The following LEPROTL1 variants were observed in gnomAD, a reference collection of about 807,000 sequenced individuals.
The protein encoded by LEPROTL1 is leptin receptor overlapping transcript-like 1.
In LEPROTL1, 6 loss-of-function variants were observed where a neutral mutation model predicts 15.4. The observed-to-expected ratio is 0.39, with a 90% CI of 0.21 to 0.77. LEPROTL1 has a LOEUF of 0.77. Ranked by LOEUF, LEPROTL1 falls within the 30% of genes least tolerant of loss-of-function variation. The pLI, the probability that LEPROTL1 is intolerant of heterozygous loss-of-function variation, is 0.41. For missense variants in LEPROTL1, 128 were observed against 158.1 expected (o/e 0.81, Z 1.02); for synonymous variants, 56 against 52.6 (o/e 1.06, Z -0.28).
chr8:30,122,082 G>T (rs956035151), intron 3 of LEPROTL1, among the ~76,000 whole-genome samples: 10 of 151,312 alleles, frequency 6.6e-5, no homozygotes, highest in Non-Finnish European at 1.2e-4. Context: ...CAGGAGAATC[G>T]CTTGAACCCG....
intron 3 of LEPROTL1, among the ~76,000 whole-genome samples, chr8:30,118,431 C>G (rs6468124): frequency 0.86 from 131,650 of 152,212 alleles, 57,968 homozygotes; most frequent in South Asian, 0.98. Context: ...CCACAGACTG[C>G]GTAGTTTAAA....
intron 1 of LEPROTL1, among the ~76,000 whole-genome samples, chr8:30,100,488 C>T (rs766455943): frequency 7.9e-5 from 12 of 152,050 alleles, no homozygotes; most frequent in African/African-American, 2.4e-4. Context: ...CTTGCTCTGT[C>T]GCACAGGCTG....
At chr8:30,120,170 CATT>C (rs1776231045) in intron 3 of LEPROTL1, among the ~76,000 whole-genome samples, 1 of 152,068 alleles carries the variant, frequency 6.6e-6, no homozygotes, top group African/African-American at 2.4e-5. Context: ...AATTGATTGT[CATT>C]ATTACTAATG....
At chr8:30,112,685 A>G (rs1451918692), downstream of LEPROTL1, among the ~76,000 whole-genome samples, 1 of 151,714 alleles carries the variant, frequency 6.6e-6, no homozygotes, top group Non-Finnish European at 1.5e-5. Context: ...TAGTGGTGTA[A>G]CCTTAGCCGA....
intron 1 of LEPROTL1, chr8:30,096,119 AC>A (rs945085132): frequency 4.9e-5 from 10 of 202,516 alleles, no homozygotes; most frequent in Admixed American, 3.9e-4. Flanking sequence ...CCTGTAGGCG[AC>A]CCCAAAGTGC....
chr8:30,097,883 T>A (rs1802399347), intron 1 of LEPROTL1, among the ~76,000 whole-genome samples: 1 of 151,546 alleles, frequency 6.6e-6, no homozygotes, highest in South Asian at 2.1e-4. Context: ...TTATCTCATT[T>A]TAGTCCCTTG....
chr8:30,095,583 C>T, intron 1 of LEPROTL1, 55 bp downstream of exon 1: 4 of 1,298,660 alleles, frequency 3.1e-6, no homozygotes, highest in African/African-American at 1.6e-5. Context: ...GAAGATGGGC[C>T]GGGGGTCCCA....
intron 3 of LEPROTL1, among the ~76,000 whole-genome samples, chr8:30,118,711 A>G (rs925073846): frequency 2.0e-5 from 3 of 152,182 alleles, no homozygotes; most frequent in Non-Finnish European, 4.4e-5. Flanking sequence ...ATTTATAACT[A>G]TTTTCACTAT....
chr8:30,128,680 A>G (rs541612289), intron 3 of LEPROTL1, among the ~76,000 whole-genome samples: 2 of 151,590 alleles, frequency 1.3e-5, no homozygotes, highest in South Asian at 2.1e-4. Flanking sequence ...TGAGCCCAGG[A>G]GGCAGAGGTT....
intron 3 of LEPROTL1, among the ~76,000 whole-genome samples, chr8:30,125,242 G>A (rs1462241951): frequency 6.6e-6 from 1 of 152,166 alleles, no homozygotes; most frequent in Non-Finnish European, 1.5e-5. Context: ...CTGGAAACGA[G>A]CCAGAACAGA....
At position 30,095,492 on chromosome 8, in the gene LEPROTL1, G is replaced by A. The variant is rs1451063012; in HGVS notation, c.-21G>A. 2.1e-6 allele frequency: 3 copies of A among 1,463,168 alleles called. No homozygotes were observed. The highest frequency in any genetic ancestry group is 2.7e-6 in the Non-Finnish European group (3 of 1,111,740). 90.6% of individuals were successfully genotyped at this position (1,463,168 alleles called of 1,614,324 possible). ...TGCCGCCGCCGCCTCGGGTCGTGGA[G>A]CCAGGAGCGACGTCACCGCCATGGC... On this transcript the variant is annotated 5_prime_UTR_variant, in exon 1 of 4. Coordinates refer to ENST00000321250, the MANE Select transcript of LEPROTL1 (RefSeq NM_015344.3).
downstream of LEPROTL1, among the ~76,000 whole-genome samples, chr8:30,108,975 C>T (rs944840042): frequency 2.0e-5 from 3 of 152,110 alleles, no homozygotes; most frequent in Admixed American, 2.0e-4. Context: ...ATGTTGGCCA[C>T]GCTGGTCTCA....
At chr8:30,134,589 T>G (rs929253277) in intron 4 of LEPROTL1, among the ~76,000 whole-genome samples, 4 of 152,230 alleles carry the variant, frequency 2.6e-5, no homozygotes, top group Non-Finnish European at 4.4e-5. Context: ...TGGCCCAGGC[T>G]GGAGTGCAGT....
intron 4 of LEPROTL1, among the ~76,000 whole-genome samples, chr8:30,136,726 C>A (rs1376055750): frequency 6.8e-6 from 1 of 147,696 alleles, no homozygotes; most frequent in African/African-American, 2.6e-5. Context: ...TCTCTCCCCC[C>A]GAACTTTTTT....
rs78161929 is a variant in LEPROTL1 at position 30,107,327 on chromosome 8, G to A, written c.*1465G>A. 579 of 985,574 alleles carry A rather than the reference G, an allele frequency of 5.9e-4. 1 individual carries two copies. The African/African-American group carries it at 9.4e-3, about 16-fold the overall frequency. 61.1% of individuals were successfully genotyped at this position (985,574 alleles called of 1,614,324 possible). A position where few individuals can be genotyped will look rare whatever the true frequency, so the allele number is the denominator to read the frequency against. On this transcript the variant is annotated 3_prime_UTR_variant, in exon 4 of 4. Transcript: ENST00000321250. ...ATTATCAGGACTTTTTTCAGGAGTG[G>A]GTTATAAAAACATTCAAGTTGGTCT...
At chr8:30,118,029 T>G (rs1353663969) in intron 3 of LEPROTL1, among the ~76,000 whole-genome samples, 5 of 143,850 alleles carry the variant, frequency 3.5e-5, no homozygotes, top group South Asian at 4.6e-4. Flanking sequence ...GTTTTTTTTT[T>G]TTTTTTTTTT....
At chr8:30,119,898 G>A (rs1427121314) in intron 3 of LEPROTL1, among the ~76,000 whole-genome samples, 3 of 152,026 alleles carry the variant, frequency 2.0e-5, no homozygotes, top group Admixed American at 2.0e-4. Context: ...GCAAAATGCC[G>A]TCTCTGCTAA....
Position 30,103,465 on chromosome 8 carries a change from G to C in LEPROTL1, c.93-835G>C, listed in dbSNP as rs373308285. Among the ~76,000 whole-genome samples, 42 of 152,126 alleles carry C rather than the reference G, an allele frequency of 2.8e-4. No individual in the cohort carries two copies. In the South Asian group the frequency reaches 8.5e-3, roughly 31 times the overall value. On this transcript the variant is annotated intron_variant, in intron 2 of 3. Coordinates refer to ENST00000321250, the MANE Select transcript of LEPROTL1 (RefSeq NM_015344.3). ...CTTAAAATATTTAGGAAATGGTCAG[G>C]CGCAGTGGCTCATGCCTGTAATCCT... is the stretch of plus-strand genomic sequence containing the variant.
At chr8:30,118,819 A>G (rs941318230) in intron 3 of LEPROTL1, among the ~76,000 whole-genome samples, 1 of 152,230 alleles carries the variant, frequency 6.6e-6, no homozygotes, top group African/African-American at 2.4e-5. Flanking sequence ...AAATAAGTTC[A>G]AGGGAAGGTA....
Sources: gnomAD v4.1 joint callset for allele counts (sites outside exome capture counted in the v4.1 genomes callset) on GRCh38, gnomAD v4.1.1 for gene constraint, MANE v1.5 for transcripts, NCBI Gene and HGNC (gene_info 2026-07-23, HGNC 2026-07-21) for gene names.